NDUFAF5: variants seen among roughly 807,000 people sequenced by gnomAD.
NDUFAF5 encodes NADH:ubiquinone oxidoreductase complex assembly factor 5.
NDUFAF5 carries 34 observed loss-of-function variants against 48.9 expected under a neutral mutation model. That is an observed-to-expected ratio of 0.70 (90% confidence interval 0.53 to 0.93). The LOEUF is 0.93. Among genes scored for constraint, NDUFAF5 ranks in the 40% least tolerant of loss-of-function variants. The probability of loss-of-function intolerance (pLI) is 0.00; values close to 1 mark genes in which losing one functional copy is unlikely to be tolerated. For missense variants in NDUFAF5, 428 were observed against 427.5 expected, an observed-to-expected ratio of 1.00 and a Z score of -0.01; for synonymous variants, 153 against 150.6, an observed-to-expected ratio of 1.02 and a Z score of -0.12.
In NDUFAF5 at chr20:13,817,238, G is replaced by C. The variant is rs1240021424; in HGVS notation, c.*28G>C. 6.6e-7 allele frequency: 1 copy of C among 1,524,790 alleles called. No individual in the cohort carries two copies. Among genetic ancestry groups the C allele is most frequent in the African/African-American group, 1.4e-5 (1 of 73,166 alleles). The allele number at this position is 1,524,790 out of a possible 1,614,324, so 94.5% of individuals were successfully genotyped here. ...ATTTATTCAGTGTTAATGTCGTCCA[G>C]AATTTTCATCAGAAATGGATAGCTT... On this transcript the variant is annotated 3_prime_UTR_variant, in exon 11 of 11. Transcript: ENST00000378106.
chr20:13,803,353 C>T (rs931643858), intron 7 of NDUFAF5: 7 of 152,174 alleles, frequency 4.6e-5, no homozygotes, highest in African/African-American at 9.7e-5. Flanking sequence ...GGCTAGAAAG[C>T]GGAAAACCGC....
intron 7 of NDUFAF5, among the ~76,000 whole-genome samples, chr20:13,805,424 T>TTAATTGGGAAATA (rs1984853628): frequency 6.6e-6 from 1 of 152,212 alleles, no homozygotes; most frequent in Non-Finnish European, 1.5e-5. Flanking sequence ...TACATTTCTA[T>TTAATTGGGAAATA]TAATTGGGAA....
In NDUFAF5 at chr20:13,820,070, C is replaced by G. The variant is rs181263508; in HGVS notation, c.*2860C>G. The G allele has an allele frequency of 6.6e-6, 1 of 152,290 alleles. No individual in the cohort carries two copies. Among genetic ancestry groups the G allele is most frequent in the Non-Finnish European group, 1.5e-5 (1 of 68,020 alleles). The allele number at this position is 152,290 out of a possible 1,614,324, so 9.4% of individuals were successfully genotyped here. On this transcript the variant is annotated 3_prime_UTR_variant, in exon 11 of 11. Coordinates refer to ENST00000378106, the MANE Select transcript of NDUFAF5 (RefSeq NM_024120.5). ...CAGTCTGACAGGGCTCTAGTATGTGCACACCGTGACACCTGTTGGCTGCCA... is the reference window on the plus strand; with the variant it reads ...CAGTCTGACAGGGCTCTAGTATGTGGACACCGTGACACCTGTTGGCTGCCA...
Position 13,801,365 on chromosome 20 carries a change from TATTA to T in NDUFAF5, c.520-117_520-114del, listed in dbSNP as rs1285423624. ...GATGTTATTTGTTAAATTATGTGAT[TATTA>T]ATTTGGCAGAATAAAAGTGGTTGTC... On this transcript the variant is annotated intron_variant, in intron 6 of 10. Transcript: ENST00000378106. 1.0e-5 allele frequency: 6 copies of T among 572,458 alleles called. No individual in the cohort carries two copies. The East Asian group carries it at 1.6e-4, about 15-fold the overall frequency. The allele number at this position is 572,458 out of a possible 1,614,324, so 35.5% of individuals were successfully genotyped here.
rs1168606119 is a variant in NDUFAF5 at position 13,819,002 on chromosome 20, A to G, written c.*1792A>G. 1 of 152,186 alleles carries G rather than the reference A, an allele frequency of 6.6e-6. No homozygotes were observed. Among genetic ancestry groups the G allele is most frequent in the Non-Finnish European group, 1.5e-5 (1 of 68,038 alleles). 9.4% of individuals were successfully genotyped at this position (152,186 alleles called of 1,614,324 possible). A position where few individuals can be genotyped will look rare whatever the true frequency, so the allele number is the denominator to read the frequency against. On this transcript the variant is annotated 3_prime_UTR_variant, in exon 11 of 11. Transcript: ENST00000378106. ...GTGGGGTGGAGCTAAGGATTACTCT[A>G]CTCTGGCTATCCCAAAAAAAGCTCC...
At position 13,788,587 on chromosome 20, in the gene NDUFAF5, A is replaced by G. The variant is rs779750513; in HGVS notation, c.264-2A>G. On this transcript the variant is annotated splice_acceptor_variant, in intron 2 of 10. Coordinates refer to ENST00000378106, the MANE Select transcript of NDUFAF5 (RefSeq NM_024120.5). LOFTEE classifies it high-confidence loss of function. Reference sequence around the variant, plus strand: ...GCATAACCTCTGTGTCTTTTTTTTTAGAAATTTCCCCCTTGCTTTGGATCT... The same window carrying G: ...GCATAACCTCTGTGTCTTTTTTTTTGGAAATTTCCCCCTTGCTTTGGATCT... 1.2e-6 allele frequency: 2 copies of G among 1,606,912 alleles called. No individual in the cohort carries two copies. Among genetic ancestry groups the G allele is most frequent in the Non-Finnish European group, 1.7e-6 (2 of 1,173,614 alleles).
intron 5 of NDUFAF5, among the ~76,000 whole-genome samples, chr20:13,796,362 C>G (rs1404367751): frequency 1.3e-5 from 2 of 152,176 alleles, no homozygotes; most frequent in East Asian, 3.8e-4. Flanking sequence ...GGCAGGGAGT[C>G]AGAACCTGAG....
chr20:13,815,706 A>T (rs1986378315), intron 8 of NDUFAF5, among the ~76,000 whole-genome samples: 1 of 152,224 alleles, frequency 6.6e-6, no homozygotes, highest in Admixed American at 6.5e-5. Context: ...TAGAGAATAC[A>T]TATGAAGGAT....
At chr20:13,801,425 AT>A (rs1283912424) in intron 6 of NDUFAF5, 60 bp from the exon 7 acceptor site, 21 of 1,095,632 alleles carry the variant, frequency 1.9e-5, no homozygotes, top group Non-Finnish European at 2.6e-5. Flanking sequence ...CTATATATTT[AT>A]TTTTTAACAT....
At chr20:13,797,481 A>G (rs1242782447) in intron 5 of NDUFAF5, among the ~76,000 whole-genome samples, 1 of 152,232 alleles carries the variant, frequency 6.6e-6, no homozygotes, top group South Asian at 2.1e-4. Context: ...GACAGAAGCT[A>G]ATCTGAAAAG....
intron 1 of NDUFAF5, 87 bp downstream of exon 1, chr20:13,785,377 A>G: frequency 8.4e-7 from 1 of 1,193,306 alleles, no homozygotes; most frequent in Non-Finnish European, 1.2e-6. Context: ...CCCCGAGCTC[A>G]CCCCACCTAG....
Position 13,809,000 on chromosome 20 carries a change from G to T in NDUFAF5, c.778+98G>T. On this transcript the variant is annotated intron_variant, in intron 8 of 10. Coordinates refer to ENST00000378106, the MANE Select transcript of NDUFAF5 (RefSeq NM_024120.5). Reference sequence around the variant, plus strand: ...TTTGAGAGAAACATTTTGAGAGCCAGCTCTTTGGCAGGCACTGGGCAAAGC... The same window carrying T: ...TTTGAGAGAAACATTTTGAGAGCCATCTCTTTGGCAGGCACTGGGCAAAGC... 3.6e-6 allele frequency: 3 copies of T among 823,284 alleles called. No homozygotes were observed. In the South Asian group the frequency reaches 4.2e-5, roughly 12 times the overall value. The allele number at this position is 823,284 out of a possible 1,614,324, so 51.0% of individuals were successfully genotyped here. A position where few individuals can be genotyped will look rare whatever the true frequency, so the allele number is the denominator to read the frequency against.
At chr20:13,795,893 C>T (rs1983132872) in intron 5 of NDUFAF5, among the ~76,000 whole-genome samples, 2 of 152,142 alleles carry the variant, frequency 1.3e-5, no homozygotes, top group African/African-American at 4.8e-5. Context: ...TACTATCTTC[C>T]TCCACATATG....
intron 7 of NDUFAF5, chr20:13,801,903 T>A (rs1984217958): frequency 2.1e-6 from 1 of 487,784 alleles, no homozygotes; most frequent in Admixed American, 3.7e-5. Flanking sequence ...TACTGTTACC[T>A]TAAAAAGTAG....
chr20:13,799,656 G>A (rs1300266868), intron 6 of NDUFAF5, among the ~76,000 whole-genome samples: 2 of 149,934 alleles, frequency 1.3e-5, no homozygotes, highest in Admixed American at 6.7e-5. Context: ...CTGAGATCAC[G>A]CCATTGCACT....
Position 13,785,296 on chromosome 20 carries a change from CCCGCGGGG to C in NDUFAF5, c.222+8_222+15del, listed in dbSNP as rs3831170. 0.23 allele frequency: 339,071 copies of C among 1,484,418 alleles called. 38,827 individuals are homozygous for C. The highest frequency in any genetic ancestry group is 0.25 in the Non-Finnish European group (272,525 of 1,072,478). 92.0% of individuals were successfully genotyped at this position (1,484,418 alleles called of 1,614,324 possible). ...TTGACTACCTGAAGGAGGAGGTGAG[CCCGCGGGG>C]CGGCGGGGCGGCGGGGCGGGCGACG... On this transcript the variant is annotated splice_region_variant and intron_variant, in intron 1 of 10. Transcript: ENST00000378106.
At chr20:13,811,808 A>G (rs1458260297) in intron 8 of NDUFAF5, among the ~76,000 whole-genome samples, 5 of 152,180 alleles carry the variant, frequency 3.3e-5, no homozygotes, top group South Asian at 2.1e-4. Flanking sequence ...GTTCTTTTAT[A>G]TATATAGACT....
chr20:13,812,380 C>G (rs1600387735), intron 8 of NDUFAF5, among the ~76,000 whole-genome samples: 1 of 152,294 alleles, frequency 6.6e-6, no homozygotes, highest in Admixed American at 6.5e-5. Context: ...CAAGGACTTA[C>G]CTGATGTAAT....
chr20:13,794,451 T>C (rs1982849988), intron 4 of NDUFAF5, among the ~76,000 whole-genome samples: 1 of 152,178 alleles, frequency 6.6e-6, no homozygotes, highest in African/African-American at 2.4e-5. Flanking sequence ...AGCTAATTTT[T>C]GTATTTTTAG....
Sources: allele counts gnomAD v4.1 joint callset (sites outside exome capture counted in the v4.1 genomes callset), GRCh38; gene constraint gnomAD v4.1.1; transcripts MANE v1.5; gene names NCBI Gene and HGNC (gene_info 2026-07-23, HGNC 2026-07-21).